Variants in PCDHA1 observed in about 807,000 individuals in gnomAD.
The protein encoded by PCDHA1 is protocadherin alpha 1.
A neutral mutation model predicts 61.3 loss-of-function variants in PCDHA1; 42 were observed. The ratio of observed to expected loss-of-function variants is 0.69; its 90% confidence interval spans 0.54 to 0.89. The LOEUF is 0.89. Among genes scored for constraint, PCDHA1 ranks in the 40% least tolerant of loss-of-function variants. The pLI is 0.00. For synonymous variants in PCDHA1, 610 were observed against 553.8 expected (o/e 1.10, Z -1.43); for missense variants, 1,256 against 1,235.3 (o/e 1.02, Z -0.25).
At chr5:140,997,688 G>C (rs1232415745) in intron 3 of PCDHA1, among the ~76,000 whole-genome samples, 1 of 151,990 alleles carries the variant, frequency 6.6e-6, no homozygotes, top group Non-Finnish European at 1.5e-5. Context: ...GTGTGTGTGT[G>C]TGTGTGTGTA....
rs10569930 is a variant in PCDHA1, at chr5:140,925,641, TATAATAATAATA to T, written c.2395-53282_2395-53271del. On this transcript the variant is annotated intron_variant, in intron 1 of 3. Coordinates refer to ENST00000504120, the MANE Select transcript of PCDHA1 (RefSeq NM_018900.4). ...TGCACATGTACCCTAGAACTTAAAG[TATAATAATAATA>T]ATAATAATAATAATAATAATAATAA... Among the ~76,000 whole-genome samples the T allele has an allele frequency of 2.0e-4, 29 of 143,352 alleles. 1 individual carries two copies. Among genetic ancestry groups the T allele is most frequent in the Admixed American group, 7.0e-4 (10 of 14,330 alleles). 94.0% of individuals were successfully genotyped at this position (143,352 alleles called of 152,430 possible). A position where few individuals can be genotyped will look rare whatever the true frequency, so the allele number is the denominator to read the frequency against.
chr5:140,801,389 C>G (rs1554121466), intron 1 of PCDHA1: 1 of 1,613,606 alleles, frequency 6.2e-7, no homozygotes, highest in South Asian at 1.1e-5. Context: ...CGCGCCTGTT[C>G]CGGGTGGCGT....
intron 1 of PCDHA1, among the ~76,000 whole-genome samples, chr5:140,797,996 G>A (rs1762286083): frequency 6.6e-6 from 1 of 152,112 alleles, no homozygotes; most frequent in South Asian, 2.1e-4. Flanking sequence ...GGGATTACAG[G>A]CGCCCACCAC....
At chr5:140,833,460 T>C (rs1440945863) in intron 1 of PCDHA1, among the ~76,000 whole-genome samples, 2 of 152,148 alleles carry the variant, frequency 1.3e-5, no homozygotes, top group Non-Finnish European at 2.9e-5. Context: ...AAAATAAACT[T>C]ACATTTTAAA....
At chr5:140,831,653 A>G (rs1426760036) in intron 1 of PCDHA1, among the ~76,000 whole-genome samples, 1 of 151,162 alleles carries the variant, frequency 6.6e-6, no homozygotes, top group Non-Finnish European at 1.5e-5. Flanking sequence ...GTGAGCCACT[A>G]TGCTTGGCTA....
At chr5:140,816,032 G>A (rs1005229860) in intron 1 of PCDHA1, 2 of 152,120 alleles carry the variant, frequency 1.3e-5, no homozygotes, top group Non-Finnish European at 2.9e-5. Context: ...GGATCTTGAT[G>A]TCCATTTCCT....
intron 1 of PCDHA1, among the ~76,000 whole-genome samples, chr5:140,820,077 G>A (rs2150105714): frequency 5.9e-5 from 9 of 151,896 alleles, no homozygotes; most frequent in Admixed American, 3.3e-4. Flanking sequence ...ATCAGCTAAT[G>A]CTGTTTTCTA....
At chr5:140,821,571 A>C in intron 1 of PCDHA1, 1 of 549,120 alleles carries the variant, frequency 1.8e-6, no homozygotes, top group Non-Finnish European at 3.1e-6. Flanking sequence ...TGGACACCGG[A>C]AGGTTTTTCT....
rs142005953 is a variant in PCDHA1, at chr5:140,843,471, T to C, written c.2394+54787T>C. 21 of 1,595,832 alleles carry C rather than the reference T, an allele frequency of 1.3e-5. 2 individuals are homozygous for C. In the African/African-American group the frequency reaches 1.7e-4, roughly 13 times the overall value. On this transcript the variant is annotated intron_variant, in intron 1 of 3. Coordinates refer to ENST00000504120, the MANE Select transcript of PCDHA1 (RefSeq NM_018900.4). ...AGCCTGCTGGTGCTCACGCTGCTGC[T>C]GTACACTGCGCTGCGGTGCTCAGCA...
intron 3 of PCDHA1, among the ~76,000 whole-genome samples, chr5:141,006,446 C>T (rs2098274720): frequency 1.3e-5 from 2 of 152,066 alleles, no homozygotes; most frequent in South Asian, 4.1e-4. Flanking sequence ...ATCTCCTGAC[C>T]TCGAGATCTG....
intron 1 of PCDHA1, among the ~76,000 whole-genome samples, chr5:140,896,645 A>G (rs988054711): frequency 1.3e-5 from 2 of 151,728 alleles, no homozygotes; most frequent in African/African-American, 4.8e-5. Context: ...CCAAAGTGCT[A>G]GTATTACAGG....
chr5:140,886,843 A>G (rs1247447766), intron 1 of PCDHA1, among the ~76,000 whole-genome samples: 8 of 150,852 alleles, frequency 5.3e-5, no homozygotes, highest in African/African-American at 1.5e-4. Flanking sequence ...AAAAAAAAAA[A>G]AAAAGAAAGG....
At chr5:140,875,292 T>A in intron 1 of PCDHA1, 1 of 1,401,900 alleles carries the variant, frequency 7.1e-7, no homozygotes, top group Non-Finnish European at 9.3e-7. Flanking sequence ...ACAGGAAAAT[T>A]TTTTTCTCCG....
intron 1 of PCDHA1, chr5:140,866,517 C>T (rs1554160368): frequency 6.6e-6 from 1 of 152,090 alleles, no homozygotes; most frequent in African/African-American, 2.4e-5. Flanking sequence ...CTTGACTAAG[C>T]CATGATAGAG....
intron 1 of PCDHA1, chr5:140,851,170 A>T: frequency 7.9e-7 from 1 of 1,265,740 alleles, no homozygotes; most frequent in Non-Finnish European, 1.0e-6. Flanking sequence ...ATGCTGCCAT[A>T]ACACTTGAAA....
intron 1 of PCDHA1, chr5:140,829,834 G>T (rs1263397985): frequency 6.2e-7 from 1 of 1,613,928 alleles, no homozygotes. Flanking sequence ...GCGAGCTGGT[G>T]CCGCGGTCAC....
chr5:140,977,844 G>A (rs2096777589), intron 1 of PCDHA1, among the ~76,000 whole-genome samples: 1 of 152,136 alleles, frequency 6.6e-6, no homozygotes, highest in Admixed American at 6.5e-5. Context: ...TATTACTATG[G>A]CTTTGTTTCT....
At chr5:140,958,442 T>C (rs1554223476) in intron 1 of PCDHA1, among the ~76,000 whole-genome samples, 1 of 152,178 alleles carries the variant, frequency 6.6e-6, no homozygotes, top group Non-Finnish European at 1.5e-5. Flanking sequence ...AATTTAAAAA[T>C]ACCTTTTATT....
rs190903365 is a variant in PCDHA1 at position 140,812,400 on chromosome 5, C to T, written c.2394+23716C>T. On this transcript the variant is annotated intron_variant, in intron 1 of 3. Coordinates refer to ENST00000504120, the MANE Select transcript of PCDHA1 (RefSeq NM_018900.4). ...TTTTTTTCTTAGTCTAGCTAAGGGG[C>T]TTGTCAGTTTTGTTGTTTTTTCAAA... 5 of 151,904 alleles carry T rather than the reference C, an allele frequency of 3.3e-5. No homozygotes were observed. In the East Asian group the frequency reaches 9.7e-4, roughly 29 times the overall value. The allele number at this position is 151,904 out of a possible 1,614,324, so 9.4% of individuals were successfully genotyped here. A position where few individuals can be genotyped will look rare whatever the true frequency, so the allele number is the denominator to read the frequency against.
Sources: gnomAD v4.1 joint callset for allele counts (sites outside exome capture counted in the v4.1 genomes callset) on GRCh38, gnomAD v4.1.1 for gene constraint, MANE v1.5 for transcripts, NCBI Gene and HGNC (gene_info 2026-07-23, HGNC 2026-07-21) for gene names.